The following C3orf70 variants were observed in gnomAD, a reference collection of about 807,000 sequenced individuals.
C3orf70 encodes the protein UPF0524 protein C3orf70.
A neutral mutation model predicts 20.7 loss-of-function variants in C3orf70; 15 were observed. The ratio of observed to expected loss-of-function variants is 0.72; its 90% CI spans 0.48 to 1.11. The LOEUF (loss-of-function observed/expected upper bound fraction) is 1.11, where lower values mean the gene tolerates loss of function less well. C3orf70 is among the 50% of genes most tolerant of loss of function. The probability of loss-of-function intolerance (pLI) is 0.00; values close to 1 mark genes in which losing one functional copy is unlikely to be tolerated. For missense variants in C3orf70, 332 were observed against 317.6 expected, an observed-to-expected ratio of 1.05 and a Z score of -0.34; for synonymous variants, 161 against 125.7, an observed-to-expected ratio of 1.28 and a Z score of -1.88.
rs1384498748 is a variant in C3orf70 at position 185,114,419 on chromosome 3, T to TTA, written c.197-30858_197-30857dup. On this transcript the variant is annotated intron_variant, in intron 1 of 1. Coordinates refer to ENST00000335012, the MANE Select transcript of C3orf70 (RefSeq NM_001025266.3). ...TAGTCTCTATCATGTAAATATGTTT[T>TTA]TAGAGTCCACATCTTCAGTAAATTA... Among the ~76,000 whole-genome samples the TTA allele has an allele frequency of 2.6e-5, 4 of 152,216 alleles. 1 individual carries two copies. Among genetic ancestry groups the TTA allele is most frequent in the Non-Finnish European group, 5.9e-5 (4 of 68,036 alleles).
chr3:185,118,544 A>G (rs73887809), intron 1 of C3orf70, among the ~76,000 whole-genome samples: 7,903 of 152,288 alleles, frequency 0.052, 664 homozygotes, highest in African/African-American at 0.18. Context: ...ATATGAATAT[A>G]CACATATTGC....
At chr3:185,119,917 G>A (rs774523233) in intron 1 of C3orf70, among the ~76,000 whole-genome samples, 1 of 151,276 alleles carries the variant, frequency 6.6e-6, no homozygotes, top group African/African-American at 2.4e-5. Context: ...CCAGCTACTC[G>A]AGGTTGAGGC....
At chr3:185,090,793 C>A (rs1470389816) in intron 1 of C3orf70, among the ~76,000 whole-genome samples, 5 of 152,154 alleles carry the variant, frequency 3.3e-5, no homozygotes, top group Non-Finnish European at 7.3e-5. Flanking sequence ...CTTCATTCTG[C>A]CCCACTGGCA....
At chr3:185,151,096 T>C (rs1482442594) in intron 1 of C3orf70, among the ~76,000 whole-genome samples, 1 of 152,214 alleles carries the variant, frequency 6.6e-6, no homozygotes, top group Non-Finnish European at 1.5e-5. Context: ...TATGATTTCA[T>C]AAGGCAGAAA....
intron 1 of C3orf70, among the ~76,000 whole-genome samples, chr3:185,094,632 C>T (rs1037756360): frequency 6.6e-6 from 1 of 151,474 alleles, no homozygotes; most frequent in Non-Finnish European, 1.5e-5. Flanking sequence ...CTTTTACGGC[C>T]AGAGTTTTTA....
chr3:185,152,313 A>T (rs1204974777), intron 1 of C3orf70, among the ~76,000 whole-genome samples: 1 of 152,154 alleles, frequency 6.6e-6, no homozygotes, highest in Non-Finnish European at 1.5e-5. Context: ...CGCCTTGGTC[A>T]AAAAAAGAAA....
chr3:185,091,949 ATATATATATATATAT>A (rs1472621297), intron 1 of C3orf70, among the ~76,000 whole-genome samples: 16 of 8,142 alleles, frequency 2.0e-3, no homozygotes, highest in East Asian at 5.0e-3. Flanking sequence ...ATATATATAT[ATATATATATATATAT>A]TTTTTTTTTT....
intron 1 of C3orf70, among the ~76,000 whole-genome samples, chr3:185,107,988 A>G (rs1256718675): frequency 3.9e-5 from 6 of 152,204 alleles, no homozygotes; most frequent in Admixed American, 3.9e-4. Context: ...CTACTATGAT[A>G]GGGATTCGGA....
chr3:185,152,972 C>G lies in C3orf70; in HGVS notation c.-149G>C. The G allele has an allele frequency of 1.6e-6, 1 of 615,844 alleles. No individual in the cohort carries two copies. The highest frequency in any genetic ancestry group is 2.3e-6 in the Non-Finnish European group (1 of 436,332). The allele number at this position is 615,844 out of a possible 1,614,324, so 38.1% of individuals were successfully genotyped here. A position where few individuals can be genotyped will look rare whatever the true frequency, so the allele number is the denominator to read the frequency against. On this transcript the variant is annotated 5_prime_UTR_variant, in exon 1 of 2. Coordinates refer to ENST00000335012, the MANE Select transcript of C3orf70 (RefSeq NM_001025266.3). ...GCGGCGGCGGCGGGAGCGCGGCGGT[C>G]CCAGGCTCGAGGAGGAGCCGCCCCG...
At chr3:185,127,730 A>G (rs1716442443) in intron 1 of C3orf70, among the ~76,000 whole-genome samples, 1 of 152,072 alleles carries the variant, frequency 6.6e-6, no homozygotes. Context: ...GTGAGCCACC[A>G]TGACCGGCCA....
intron 1 of C3orf70, among the ~76,000 whole-genome samples, chr3:185,090,739 T>C (rs1270345338): frequency 7.2e-5 from 11 of 152,156 alleles, no homozygotes; most frequent in African/African-American, 2.4e-4. Context: ...CAAAAGCAAA[T>C]GAACTTAGTA....
rs1715561905 is a variant in C3orf70 at position 185,091,161 on chromosome 3, TA to T, written c.197-7599del. ...AAGTAAAACAAGAGTTGAATAAGAC[TA>T]TAGGCATATATGCAAGGGCGTTCAC... On this transcript the variant is annotated intron_variant, in intron 1 of 1. Transcript: ENST00000335012. 3.9e-5 allele frequency among the ~76,000 whole-genome samples: 6 copies of T among 152,230 alleles called. No homozygotes were observed. In the South Asian group the frequency reaches 1.2e-3, roughly 32 times the overall value.
At chr3:185,128,435 G>C (rs1264345931) in intron 1 of C3orf70, among the ~76,000 whole-genome samples, 1 of 151,924 alleles carries the variant, frequency 6.6e-6, no homozygotes, top group Non-Finnish European at 1.5e-5. Flanking sequence ...GGCTGAGGCA[G>C]GAGAATCGCC....
At chr3:185,145,218 T>C (rs1418940852) in intron 1 of C3orf70, among the ~76,000 whole-genome samples, 5 of 152,218 alleles carry the variant, frequency 3.3e-5, no homozygotes, top group African/African-American at 4.8e-5. Flanking sequence ...AAAGAACAAA[T>C]TCGGATGAAG....
chr3:185,103,947 A>G (rs1159024717), intron 1 of C3orf70, among the ~76,000 whole-genome samples: 1 of 152,212 alleles, frequency 6.6e-6, no homozygotes, highest in African/African-American at 2.4e-5. Context: ...ACCCACAGTT[A>G]TACAAACAAG....
Position 185,082,345 on chromosome 3 carries a change from T to C in C3orf70, c.*662A>G, listed in dbSNP as rs1185150040. ...TGCTCAGCTAAGGCTGGATTGAGCA[T>C]GAGACAGATGAGGTCATCTCTTCTC... On this transcript the variant is annotated 3_prime_UTR_variant, in exon 2 of 2. Coordinates refer to ENST00000335012, the MANE Select transcript of C3orf70 (RefSeq NM_001025266.3). The C allele has an allele frequency of 6.6e-6, 1 of 152,446 alleles. No homozygotes were observed. Among genetic ancestry groups the C allele is most frequent in the Non-Finnish European group, 1.5e-5 (1 of 68,244 alleles). The allele number at this position is 152,446 out of a possible 1,614,324, so 9.4% of individuals were successfully genotyped here. A position where few individuals can be genotyped will look rare whatever the true frequency, so the allele number is the denominator to read the frequency against.
chr3:185,107,121 G>A (rs770233352), intron 1 of C3orf70, among the ~76,000 whole-genome samples: 2 of 152,176 alleles, frequency 1.3e-5, no homozygotes, highest in Non-Finnish European at 2.9e-5. Flanking sequence ...TAAAGGTTTG[G>A]TAGATACAGG....
intron 1 of C3orf70, among the ~76,000 whole-genome samples, chr3:185,098,250 GT>G (rs373593452): frequency 1.3e-5 from 2 of 152,280 alleles, no homozygotes; most frequent in African/African-American, 4.8e-5. Flanking sequence ...GCTCAAAGAG[GT>G]CCCCAGCTGT....
chr3:185,091,908 C>CACATATATATATATATAT (rs1715582623), intron 1 of C3orf70, among the ~76,000 whole-genome samples: 1 of 58,972 alleles, frequency 1.7e-5, no homozygotes, highest in Non-Finnish European at 3.5e-5. Flanking sequence ...CACACACACA[C>CACATATATATATATATAT]ATACATATAT....
Sources: gnomAD v4.1 joint callset for allele counts (sites outside exome capture counted in the v4.1 genomes callset) on GRCh38, gnomAD v4.1.1 for gene constraint, MANE v1.5 for transcripts, NCBI Gene and HGNC (gene_info 2026-07-23, HGNC 2026-07-21) for gene names.